Variants in ADAMTS18 observed in about 807,000 individuals in gnomAD.
ADAMTS18 encodes ADAM metallopeptidase with thrombospondin type 1 motif 18, also known as A disintegrin and metalloproteinase with thrombospondin motifs 18.
A neutral mutation model predicts 165.9 loss-of-function variants in ADAMTS18; 157 were observed. The ratio of observed to expected loss-of-function variants is 0.95; its 90% CI spans 0.83 to 1.08. ADAMTS18 has a LOEUF of 1.08. Among genes scored for constraint, ADAMTS18 ranks in the 50% least tolerant of loss-of-function variants. ADAMTS18 has a pLI of 0.00. For synonymous variants in ADAMTS18, 782 were observed against 578.2 expected (o/e 1.35, Z -5.06); for missense variants, 2,040 against 1,534.0 (o/e 1.33, Z -5.51).
intron 4 of ADAMTS18, 110 bp from the exon 5 acceptor site, chr16:77,364,491 C>T: frequency 8.8e-7 from 1 of 1,135,888 alleles, no homozygotes; most frequent in Non-Finnish European, 1.3e-6. Flanking sequence ...ACCAACACAC[C>T]ACCAATCCAC....
chr16:77,297,583 C>T (rs1194680011), intron 17 of ADAMTS18, among the ~76,000 whole-genome samples, 168 bp from the exon 18 acceptor site: 1 of 151,906 alleles, frequency 6.6e-6, no homozygotes, highest in Non-Finnish European at 1.5e-5. Context: ...AATTTGAATT[C>T]CATTCCCCTC....
intron 10 of ADAMTS18, among the ~76,000 whole-genome samples, chr16:77,342,625 T>C (rs896674142): frequency 6.6e-6 from 1 of 152,196 alleles, no homozygotes; most frequent in Non-Finnish European, 1.5e-5. Flanking sequence ...TTCAAATATG[T>C]AGACAATTTA....
chr16:77,424,338 C>A (rs2057643799), intron 3 of ADAMTS18, among the ~76,000 whole-genome samples: 1 of 152,136 alleles, frequency 6.6e-6, no homozygotes, highest in Non-Finnish European at 1.5e-5. Context: ...CATGGCAGTG[C>A]ATGCCTGTAA....
chr16:77,398,435 G>A (rs1020666316), intron 3 of ADAMTS18, among the ~76,000 whole-genome samples: 7 of 152,150 alleles, frequency 4.6e-5, no homozygotes, highest in African/African-American at 1.7e-4. Flanking sequence ...CAGAGAAACG[G>A]AGGGCTTCCA....
At position 77,302,004 on chromosome 16, in the gene ADAMTS18, C is replaced by CTT. The variant is rs4038557; in HGVS notation, c.2533-1602_2533-1601dup. Reference sequence around the variant, plus strand: ...ATTTTGAAGATCTTTCTAGTCTTTGCTTTTTTTTTTTTTTTTTTTTTAACT... The same window carrying CTT: ...ATTTTGAAGATCTTTCTAGTCTTTGCTTTTTTTTTTTTTTTTTTTTTTTAACT... On this transcript the variant is annotated intron_variant, in intron 16 of 22. Coordinates refer to ENST00000282849, the MANE Select transcript of ADAMTS18 (RefSeq NM_199355.4). Among the ~76,000 whole-genome samples, 198 of 128,772 alleles carry CTT rather than the reference C, an allele frequency of 1.5e-3. 2 individuals are homozygous for CTT. Among genetic ancestry groups the CTT allele is most frequent in the African/African-American group, 3.1e-3 (107 of 34,168 alleles). The allele number at this position is 128,772 out of a possible 152,430, so 84.5% of individuals were successfully genotyped here.
chr16:77,359,573 T>C, intron 7 of ADAMTS18, 150 bp from the exon 8 acceptor site: 1 of 680,692 alleles, frequency 1.5e-6, no homozygotes, highest in East Asian at 2.7e-5. Flanking sequence ...AAAAGATCTA[T>C]AGTTCTTTGT....
chr16:77,330,776 G>A (rs889315220), intron 12 of ADAMTS18, among the ~76,000 whole-genome samples: 1 of 152,144 alleles, frequency 6.6e-6, no homozygotes, highest in Non-Finnish European at 1.5e-5. Flanking sequence ...CATTTTTCAA[G>A]AAATAAAGTC....
intron 3 of ADAMTS18, among the ~76,000 whole-genome samples, chr16:77,411,827 T>TAG (rs1158792478): frequency 6.6e-6 from 1 of 151,470 alleles, no homozygotes; most frequent in Non-Finnish European, 1.5e-5. Flanking sequence ...GCTGGGATTA[T>TAG]AGGTGCCCAC....
chr16:77,374,359 T>TA (rs2056920308), intron 3 of ADAMTS18, among the ~76,000 whole-genome samples: 1 of 152,158 alleles, frequency 6.6e-6, no homozygotes, highest in Non-Finnish European at 1.5e-5. Context: ...TGAACTTGTC[T>TA]ATATTTCAGA....
rs2057777341 is a variant in ADAMTS18 at position 77,434,768 on chromosome 16, T to C, written c.-73A>G. ...GAGCGCACGGGCGGCGCGCATTCTTTCCGCGGCCCCGGAGCTCGGCGCCCC... is the reference window on the plus strand; with the variant it reads ...GAGCGCACGGGCGGCGCGCATTCTTCCCGCGGCCCCGGAGCTCGGCGCCCC... On this transcript the variant is annotated 5_prime_UTR_variant, in exon 1 of 23. Transcript: ENST00000282849. 5 of 1,264,016 alleles carry C rather than the reference T, an allele frequency of 4.0e-6. No homozygotes were observed. Among genetic ancestry groups the C allele is most frequent in the Non-Finnish European group, 5.1e-6 (5 of 985,274 alleles). The allele number at this position is 1,264,016 out of a possible 1,614,324, so 78.3% of individuals were successfully genotyped here. A position where few individuals can be genotyped will look rare whatever the true frequency, so the allele number is the denominator to read the frequency against.
At chr16:77,285,214 C>G (rs1176564567) in intron 22 of ADAMTS18, among the ~76,000 whole-genome samples, 1 of 152,090 alleles carries the variant, frequency 6.6e-6, no homozygotes, top group Non-Finnish European at 1.5e-5. Flanking sequence ...CTCTTGTTGC[C>G]CAGGCTGGAG....
intron 3 of ADAMTS18, among the ~76,000 whole-genome samples, chr16:77,371,451 C>G (rs1183319316): frequency 6.6e-6 from 1 of 152,022 alleles, no homozygotes; most frequent in Non-Finnish European, 1.5e-5. Flanking sequence ...AACAACAGAA[C>G]AGAAGAGAAC....
chr16:77,309,768 A>G (rs547610670), intron 16 of ADAMTS18, among the ~76,000 whole-genome samples: 1 of 152,304 alleles, frequency 6.6e-6, no homozygotes, highest in Admixed American at 6.5e-5. Context: ...ACACCAAGAA[A>G]TAAGTGGAAT....
At chr16:77,407,885 T>C (rs2057412801) in intron 3 of ADAMTS18, among the ~76,000 whole-genome samples, 1 of 152,060 alleles carries the variant, frequency 6.6e-6, no homozygotes, top group Admixed American at 6.6e-5. Context: ...AGAAAGCATT[T>C]TAATACAGGA....
chr16:77,291,540 G>C, intron 20 of ADAMTS18, 62 bp from the exon 21 acceptor site: 1 of 1,543,732 alleles, frequency 6.5e-7, no homozygotes, highest in East Asian at 2.2e-5. Flanking sequence ...TCTGGACAGA[G>C]GCAGTTTGAC....
At chr16:77,370,280 G>C (rs1383586917) in intron 3 of ADAMTS18, among the ~76,000 whole-genome samples, 1 of 152,112 alleles carries the variant, frequency 6.6e-6, no homozygotes, top group Admixed American at 6.6e-5. Flanking sequence ...AACTTAGAAA[G>C]GAAGAAGCCA....
At chr16:77,392,973 A>G (rs192856382) in intron 3 of ADAMTS18, among the ~76,000 whole-genome samples, 4 of 152,280 alleles carry the variant, frequency 2.6e-5, no homozygotes, top group Non-Finnish European at 5.9e-5. Flanking sequence ...AAAAAGCAGG[A>G]AAATGTAGGC....
rs1163905676 is a variant in ADAMTS18, at chr16:77,434,897, G to T, written c.-202C>A. 4 of 420,784 alleles carry T rather than the reference G, an allele frequency of 9.5e-6. No homozygotes were observed. The highest frequency in any genetic ancestry group is 4.7e-5 in the Admixed American group (1 of 21,318). 26.1% of individuals were successfully genotyped at this position (420,784 alleles called of 1,614,324 possible). ...TGCGCGCCCTCCCTTCTCCCGGCGC[G>T]GGCCTGCCGAGCTGCAGTTTGCGGC... is the stretch of plus-strand genomic sequence containing the variant. On this transcript the variant is annotated 5_prime_UTR_variant, in exon 1 of 23. Transcript: ENST00000282849.
In ADAMTS18 at chr16:77,363,817, A is replaced by T; in HGVS notation, c.1041T>A (p.Leu347=). Residue 347 remains leucine, a synonymous_variant, in exon 6 of 23, where the codon CTT becomes CTA. Transcript: ENST00000282849. The part of the protein sequence containing the change: ...DINVVVVSLI[L]LEQEPGGLLI... ...TGCCACTTACAGGTTCTTGTTCCAG[A>T]AGAATTAGGCTCACCACAACCACGT... is the stretch of plus-strand genomic sequence containing the variant. 6.2e-7 allele frequency: 1 copy of T among 1,613,986 alleles called. No individual in the cohort carries two copies. Among genetic ancestry groups the T allele is most frequent in the Non-Finnish European group, 8.5e-7 (1 of 1,179,962 alleles).
Sources: allele counts gnomAD v4.1 joint callset (sites outside exome capture counted in the v4.1 genomes callset), GRCh38; gene constraint gnomAD v4.1.1; transcripts MANE v1.5; gene names NCBI Gene and HGNC (gene_info 2026-07-23, HGNC 2026-07-21).